The following TPP1 variants were observed in gnomAD, a reference collection of about 807,000 sequenced individuals.
The protein encoded by TPP1 is tripeptidyl peptidase 1.
In TPP1, 43 loss-of-function variants were observed where a neutral mutation model predicts 67.6. The observed-to-expected ratio is 0.64, with a 90% CI of 0.50 to 0.82. The LOEUF is 0.82. TPP1 is among the 40% of genes least tolerant of loss of function. The pLI is 0.00. For missense variants in TPP1, 671 were observed against 710.9 expected, an observed-to-expected ratio of 0.94 and a Z score of 0.64; for synonymous variants, 272 against 281.5, an observed-to-expected ratio of 0.97 and a Z score of 0.34.
Position 6,619,368 on chromosome 11 carries a change from C to A in TPP1, c.17+16G>T, listed in dbSNP as rs754299048. Reference sequence around the variant, plus strand: ...CCAACGTGATCCCTTTCTCCCGAGCCCTCTCAATTTCTCACCAGGCTTGGA... The same window carrying A: ...CCAACGTGATCCCTTTCTCCCGAGCACTCTCAATTTCTCACCAGGCTTGGA... On this transcript the variant is annotated intron_variant, in intron 1 of 12. Coordinates refer to ENST00000299427, the MANE Select transcript of TPP1 (RefSeq NM_000391.4). 5.0e-6 allele frequency: 8 copies of A among 1,614,082 alleles called. No homozygotes were observed. In the South Asian group the frequency reaches 6.6e-5, roughly 13 times the overall value.
In TPP1 at chr11:6,614,854, T is replaced by G; in HGVS notation, c.1551+12A>C. ...GTTTGAAAACGTCCACACCCTTCCCTTCCATACTTACATCAAAGAGTCCTG... is the reference window on the plus strand; with the variant it reads ...GTTTGAAAACGTCCACACCCTTCCCGTCCATACTTACATCAAAGAGTCCTG... On this transcript the variant is annotated intron_variant, in intron 12 of 12. Transcript: ENST00000299427. 6.2e-7 allele frequency: 1 copy of G among 1,614,100 alleles called. No individual in the cohort carries two copies.
In TPP1 at chr11:6,616,773, G is replaced by A; in HGVS notation, c.774C>T (p.Ala258=). 1 of 1,613,956 alleles carries A rather than the reference G, an allele frequency of 6.2e-7. No individual in the cohort carries two copies. The highest frequency in any genetic ancestry group is 8.5e-7 in the Non-Finnish European group (1 of 1,180,020). Residue 258 remains alanine (A), a synonymous_variant, in exon 7 of 13, where the codon GCC becomes GCT. Coordinates refer to ENST00000299427, the MANE Select transcript of TPP1 (RefSeq NM_000391.4). ...CCCGGCCCTGTTGTCCAACCACACGGGCTACTGATGCCTGATGTGCAAAGT... is the reference window on the plus strand; with the variant it reads ...CCCGGCCCTGTTGTCCAACCACACGAGCTACTGATGCCTGATGTGCAAAGT... ...GGNFAHQASV[A]RVVGQQGRGR...
intron 4 of TPP1, 90 bp from the exon 5 acceptor site, chr11:6,617,518 C>A: frequency 6.2e-7 from 1 of 1,612,976 alleles, no homozygotes; most frequent in East Asian, 2.2e-5. Flanking sequence ...CACTGTCTCC[C>A]CATGCATTAG....
intron 3 of TPP1, chr11:6,618,394 T>G (rs1855617890): frequency 2.3e-6 from 1 of 436,548 alleles, no homozygotes; most frequent in Non-Finnish European, 4.2e-6. Context: ...GCTGGGGAGC[T>G]GGGCAGTAGT....
rs7487 is a variant in TPP1 at position 6,612,958 on chromosome 11, G to A, written c.*1588C>T. The stretch of plus-strand genomic sequence containing the variant: ...GCTAGAGGTAGGCACAGGGGGCGCA[G>A]TGCAAGGGAGGAAGGGCGTTAACAT... On this transcript the variant is annotated 3_prime_UTR_variant, in exon 13 of 13. Transcript: ENST00000299427. 69,671 of 152,556 alleles carry A rather than the reference G, an allele frequency of 0.46. 17,589 individuals are homozygous for A. The highest frequency in any genetic ancestry group is 0.55 in the Non-Finnish European group (37,525 of 68,002). 9.5% of individuals were successfully genotyped at this position (152,556 alleles called of 1,614,324 possible). A position where few individuals can be genotyped will look rare whatever the true frequency, so the allele number is the denominator to read the frequency against.
At chr11:6,616,927 A>G in intron 6 of TPP1, 48 bp downstream of exon 6, 1 of 1,614,032 alleles carries the variant, frequency 6.2e-7, no homozygotes, top group Non-Finnish European at 8.5e-7. Context: ...GGAATTGAGG[A>G]CACTGTGGGG....
In TPP1 at chr11:6,617,016, C is replaced by T. The variant is rs1344527425; in HGVS notation, c.646G>A (p.Val216Met). ...RKRYNLTSQD[V>M]GSGTSNNSQA... ...CTGTTATTGCTGGTGCCAGAGCCCACGTCTTGTGAGGTCAAGTTGTATCGC... is the reference window on the plus strand; with the variant it reads ...CTGTTATTGCTGGTGCCAGAGCCCATGTCTTGTGAGGTCAAGTTGTATCGC... The change falls in exon 6 of 13, where the codon GTG becomes ATG. Residue 216 changes from valine (V) to methionine (M), a missense_variant. Transcript: ENST00000299427. 6.2e-6 allele frequency: 10 copies of T among 1,614,010 alleles called. No individual in the cohort carries two copies. The highest frequency in any genetic ancestry group is 2.2e-5 in the East Asian group (1 of 44,890).
chr11:6,615,899 G>A, intron 9 of TPP1, 106 bp downstream of exon 9: 1 of 1,333,324 alleles, frequency 7.5e-7, no homozygotes, highest in East Asian at 2.3e-5. Flanking sequence ...CAAAGCTTAA[G>A]GCTGAACCAC....
intron 5 of TPP1, 73 bp from the exon 6 acceptor site, chr11:6,617,226 G>A: frequency 6.2e-7 from 1 of 1,613,748 alleles, no homozygotes; most frequent in East Asian, 2.2e-5. Context: ...CCCACCCCCA[G>A]TCCCCAATGG....
Position 6,615,993 on chromosome 11 carries a change from T to C in TPP1, c.1145+12A>G, listed in dbSNP as rs1194660847. Reference sequence around the variant, plus strand: ...TGGTGGTTATACCTGAGTGGTAGGCTAGAGTACTTACCTGGAGGCAGGGAA... The same window carrying C: ...TGGTGGTTATACCTGAGTGGTAGGCCAGAGTACTTACCTGGAGGCAGGGAA... On this transcript the variant is annotated intron_variant, in intron 9 of 12. Transcript: ENST00000299427. 1 of 1,613,996 alleles carries C rather than the reference T, an allele frequency of 6.2e-7. No homozygotes were observed. The highest frequency in any genetic ancestry group is 1.1e-5 in the South Asian group (1 of 91,078).
chr11:6,614,823 A>T, intron 12 of TPP1, 43 bp downstream of exon 12: 1 of 1,613,852 alleles, frequency 6.2e-7, no homozygotes. Flanking sequence ...AGCACTCCCC[A>T]TAGTTGTTTG....
At position 6,619,209 on chromosome 11, in the gene TPP1, C is replaced by A; in HGVS notation, c.76G>T (p.Asp26Tyr). The A allele has an allele frequency of 6.2e-7, 1 of 1,614,106 alleles. No homozygotes were observed. Among genetic ancestry groups the A allele is most frequent in the South Asian group, 1.1e-5 (1 of 91,044 alleles). ...SGKCSYSPEP[D>Y]QRRTLPPGWV... is the part of the protein sequence containing the mutation. ...AAGTCAACTCACGTCCTCCGCTGGT[C>A]GGGCTCCGGGCTGTAACTGCATTTG... The change falls in exon 2 of 13, where the codon GAC becomes TAC. Residue 26 changes from aspartate (D) to tyrosine (Y), a missense_variant. Physicochemically the swap from Asp to Tyr is radical, Grantham distance 160 (BLOSUM62 -3). Transcript: ENST00000299427.
rs906434912 is a variant in TPP1, at chr11:6,613,837, A to G, written c.*709T>C. The G allele has an allele frequency of 3.3e-5, 5 of 152,840 alleles. No individual in the cohort carries two copies. The highest frequency in any genetic ancestry group is 4.8e-5 in the African/African-American group (2 of 41,454). 9.5% of individuals were successfully genotyped at this position (152,840 alleles called of 1,614,324 possible). A position where few individuals can be genotyped will look rare whatever the true frequency, so the allele number is the denominator to read the frequency against. ...GAAGGTGGACGATGAAATGTTGAGTATCACGCATCTTACATTTGAGGTATC... is the reference window on the plus strand; with the variant it reads ...GAAGGTGGACGATGAAATGTTGAGTGTCACGCATCTTACATTTGAGGTATC... On this transcript the variant is annotated 3_prime_UTR_variant, in exon 13 of 13. Coordinates refer to ENST00000299427, the MANE Select transcript of TPP1 (RefSeq NM_000391.4).
chr11:6,615,882 G>T, intron 9 of TPP1, 123 bp downstream of exon 9: 2 of 1,126,954 alleles, frequency 1.8e-6, no homozygotes, highest in Non-Finnish European at 1.3e-6. Context: ...ACAGCAACCA[G>T]GGCAGGCAAA....
At chr11:6,614,788 C>T in intron 12 of TPP1, 78 bp downstream of exon 12, 2 of 1,613,774 alleles carry the variant, frequency 1.2e-6, no homozygotes, top group Non-Finnish European at 1.7e-6. Context: ...TTCCACACCA[C>T]CCTAACTGCC....
intron 3 of TPP1, chr11:6,618,569 T>C: frequency 1.5e-6 from 1 of 669,712 alleles, no homozygotes; most frequent in Non-Finnish European, 2.6e-6. Context: ...TTGTACTAGA[T>C]GCCTGGTAGC....
chr11:6,617,470 C>T, intron 4 of TPP1, 42 bp from the exon 5 acceptor site: 1 of 1,614,012 alleles, frequency 6.2e-7, no homozygotes, highest in Non-Finnish European at 8.5e-7. Flanking sequence ...CAAAACGGAA[C>T]AGAAGAAGCT....
At chr11:6,618,342 A>C (rs546276945) in intron 3 of TPP1, 2 of 362,640 alleles carry the variant, frequency 5.5e-6, no homozygotes, top group East Asian at 6.7e-5. Flanking sequence ...AGAGTGGGGG[A>C]GTACAGTGAG....
Position 6,616,982 on chromosome 11 carries a change from C to G in TPP1, c.680G>C (p.Cys227Ser). 1.2e-6 allele frequency: 2 copies of G among 1,614,142 alleles called. No individual in the cohort carries two copies. The highest frequency in any genetic ancestry group is 1.7e-6 in the Non-Finnish European group (2 of 1,180,008). The change falls in exon 6 of 13, where the codon TGT becomes TCT. Residue 227 changes from cysteine (C) to serine (S), a missense_variant. Cys to Ser is a moderately radical substitution (Grantham distance 112). Coordinates refer to ENST00000299427, the MANE Select transcript of TPP1 (RefSeq NM_000391.4). ...GCTCTTTGCTTGGCTCACCTGGGCA[C>G]AGGCTTGGCTGTTATTGCTGGTGCC... ...GSGTSNNSQA[C>S]AQFLEQYFHD...
Sources: gnomAD v4.1 joint callset for allele counts on GRCh38, gnomAD v4.1.1 for gene constraint, MANE v1.5 for transcripts, NCBI Gene and HGNC (gene_info 2026-07-23, HGNC 2026-07-21) for gene names.